Variants in NR5A2 observed in about 807,000 individuals in gnomAD.
NR5A2 encodes nuclear receptor subfamily 5 group A member 2, also known as CYP7A promoter-binding factor.
Under a neutral mutation model 62.7 loss-of-function variants are expected in NR5A2, and 26 were observed. That is an observed-to-expected ratio of 0.41 (90% CI 0.30 to 0.58). The LOEUF is 0.58. NR5A2 is among the 20% of genes least tolerant of loss of function. The probability of loss-of-function intolerance (pLI) is 0.22; values close to 1 mark genes in which losing one functional copy is unlikely to be tolerated. For synonymous variants in NR5A2, 246 were observed against 241.7 expected, an observed-to-expected ratio of 1.02 and a Z score of -0.16; for missense variants, 541 against 669.1, an observed-to-expected ratio of 0.81 and a Z score of 2.11.
chr1:200,141,336 T>C (rs774740923), intron 7 of NR5A2, among the ~76,000 whole-genome samples: 5 of 152,188 alleles, frequency 3.3e-5, no homozygotes, highest in Admixed American at 6.5e-5. Context: ...GTAATTTTGA[T>C]ATTTCAAGAA....
intron 2 of NR5A2, among the ~76,000 whole-genome samples, chr1:200,041,316 A>T (rs1662068573): frequency 6.6e-6 from 1 of 152,210 alleles, no homozygotes; most frequent in African/African-American, 2.4e-5. Context: ...CCCCCAAACC[A>T]GAGAAGTAGT....
At chr1:200,067,599 A>G (rs1663549765) in intron 5 of NR5A2, among the ~76,000 whole-genome samples, 1 of 152,134 alleles carries the variant, frequency 6.6e-6, no homozygotes, top group Non-Finnish European at 1.5e-5. Context: ...CACGAACACA[A>G]GGGAACAACA....
intron 5 of NR5A2, among the ~76,000 whole-genome samples, chr1:200,073,041 C>T (rs913529230): frequency 7.2e-5 from 11 of 151,882 alleles, no homozygotes; most frequent in African/African-American, 2.2e-4. Flanking sequence ...TACTTCCTTA[C>T]GAAAATCAGC....
intron 7 of NR5A2, among the ~76,000 whole-genome samples, chr1:200,122,388 T>A (rs1335314071): frequency 6.6e-6 from 1 of 152,234 alleles, no homozygotes; most frequent in Non-Finnish European, 1.5e-5. Flanking sequence ...TATAAGAAAC[T>A]GTATAGCATC....
chr1:200,044,431 A>G (rs1220747241), intron 3 of NR5A2: 1 of 152,040 alleles, frequency 6.6e-6, no homozygotes, highest in Non-Finnish European at 1.5e-5. Flanking sequence ...TTAGTTTTTA[A>G]TATAATAATT....
chr1:200,129,991 G>A (rs2102326481), intron 7 of NR5A2, among the ~76,000 whole-genome samples: 1 of 152,256 alleles, frequency 6.6e-6, no homozygotes, highest in Middle Eastern at 3.4e-3. Context: ...CACAGTTTTG[G>A]AGAAGAGAAT....
At chr1:200,030,187 A>G (rs1404756815) in intron 1 of NR5A2, among the ~76,000 whole-genome samples, 2 of 152,060 alleles carry the variant, frequency 1.3e-5, no homozygotes, top group African/African-American at 4.8e-5. Flanking sequence ...GGCTGTGTTG[A>G]GTGGTTCACA....
intron 6 of NR5A2, among the ~76,000 whole-genome samples, chr1:200,118,019 CT>C (rs397982581): frequency 0.016 from 1,872 of 117,304 alleles, 50 homozygotes; most frequent in African/African-American, 0.055. Context: ...TCGCCTTTTT[CT>C]TTTTTTTTTT....
In NR5A2 at chr1:200,148,610, T is replaced by G. The variant is rs147799503; in HGVS notation, c.1379-25353T>G. On this transcript the variant is annotated intron_variant, in intron 7 of 7. Coordinates refer to ENST00000367362, the MANE Select transcript of NR5A2 (RefSeq NM_205860.3). Reference sequence around the variant, plus strand: ...TACATAAGGATATGTAGGGGAAAATTAGTCAAAAATAAAGAAGTTAAGTGA... The same window carrying G: ...TACATAAGGATATGTAGGGGAAAATGAGTCAAAAATAAAGAAGTTAAGTGA... Among the ~76,000 whole-genome samples, 47 of 152,298 alleles carry G rather than the reference T, an allele frequency of 3.1e-4. No homozygotes were observed. In the East Asian group the frequency reaches 8.7e-3, roughly 28 times the overall value.
chr1:200,046,816 C>A (rs930497424), intron 4 of NR5A2, among the ~76,000 whole-genome samples: 11 of 152,200 alleles, frequency 7.2e-5, no homozygotes, highest in African/African-American at 2.4e-4. Flanking sequence ...TCATTTAATT[C>A]CTTTTCAACA....
chr1:200,102,965 T>A (rs997510617), intron 5 of NR5A2, among the ~76,000 whole-genome samples: 1 of 152,130 alleles, frequency 6.6e-6, no homozygotes. Context: ...GACCATGAAC[T>A]CTTCAGATAT....
chr1:200,039,610 C>G lies in NR5A2; in HGVS notation c.65-48C>G. ...GTTGGGTTAGCAGGCATCCCGGTCGCCCCTTCCTTCTTTTCGCCGGAGTTG... is the reference window on the plus strand; with the variant it reads ...GTTGGGTTAGCAGGCATCCCGGTCGGCCCTTCCTTCTTTTCGCCGGAGTTG... On this transcript the variant is annotated intron_variant, in intron 1 of 7. Coordinates refer to ENST00000367362, the MANE Select transcript of NR5A2 (RefSeq NM_205860.3). The surrounding 1 kb of genome is among the most constrained non-coding windows in gnomAD (Gnocchi z 5.1). 6.2e-7 allele frequency: 1 copy of G among 1,606,892 alleles called. No homozygotes were observed. The highest frequency in any genetic ancestry group is 8.5e-7 in the Non-Finnish European group (1 of 1,177,128).
chr1:200,156,848 A>G (rs897196544), intron 7 of NR5A2, among the ~76,000 whole-genome samples: 13 of 152,198 alleles, frequency 8.5e-5, no homozygotes, highest in Admixed American at 2.6e-4. Context: ...AGGCTAAGCT[A>G]TGATGTTCAG....
chr1:200,118,392 G>A (rs1666338067), intron 6 of NR5A2, among the ~76,000 whole-genome samples: 1 of 152,180 alleles, frequency 6.6e-6, no homozygotes, highest in Admixed American at 6.5e-5. Context: ...TTGATTCCAA[G>A]CTTAAATTGT....
chr1:200,166,666 T>C (rs916403320), intron 7 of NR5A2, among the ~76,000 whole-genome samples: 2 of 152,168 alleles, frequency 1.3e-5, no homozygotes, highest in Admixed American at 1.3e-4. Flanking sequence ...AGGGTTCAGA[T>C]TCCTGCTCCG....
rs1014057705 is a variant in NR5A2 at position 200,162,602 on chromosome 1, A to G, written c.1379-11361A>G. Among the ~76,000 whole-genome samples the G allele has an allele frequency of 2.2e-4, 33 of 152,196 alleles. 2 individuals are homozygous for G. The highest frequency in any genetic ancestry group is 2.4e-5 in the African/African-American group (1 of 41,450). On this transcript the variant is annotated intron_variant, in intron 7 of 7. Transcript: ENST00000367362. ...GGAAAATGCATTTGGAGGCGGGGAC[A>G]ATATTGGAGGAATCAGTTATAAGGA...
intron 7 of NR5A2, among the ~76,000 whole-genome samples, chr1:200,140,867 C>T (rs190032504): frequency 6.6e-6 from 1 of 152,242 alleles, no homozygotes; most frequent in Admixed American, 6.5e-5. Context: ...CCAGTCTTTA[C>T]TAAAAATACA....
chr1:200,128,492 T>C (rs1219905670), intron 7 of NR5A2, among the ~76,000 whole-genome samples: 1 of 152,210 alleles, frequency 6.6e-6, no homozygotes, highest in Admixed American at 6.5e-5. Flanking sequence ...TCACTAGACA[T>C]TAGGAAAGCC....
intron 7 of NR5A2, among the ~76,000 whole-genome samples, chr1:200,166,828 T>C (rs1653925475): frequency 6.6e-6 from 1 of 152,188 alleles, no homozygotes; most frequent in South Asian, 2.1e-4. Context: ...ATGATATTAA[T>C]AATAACTTCC....
Sources: allele counts gnomAD v4.1 joint callset (sites outside exome capture counted in the v4.1 genomes callset), GRCh38; gene constraint gnomAD v4.1.1; non-coding constraint Gnocchi (gnomAD v3.1); transcripts MANE v1.5; gene names NCBI Gene and HGNC (gene_info 2026-07-23, HGNC 2026-07-21).